ADK: variants seen among roughly 807,000 people sequenced by gnomAD.
The protein encoded by ADK is N6,N6-dimethyladenosine kinase.
In ADK, 24 loss-of-function variants were observed where a neutral mutation model predicts 44.7. The observed-to-expected ratio is 0.54, with a 90% CI of 0.39 to 0.76. The LOEUF (loss-of-function observed/expected upper bound fraction) is 0.76. ADK is among the 30% of genes least tolerant of loss of function. The probability of loss-of-function intolerance (pLI) is 0.00; values close to 1 mark genes in which losing one functional copy is unlikely to be tolerated. For synonymous variants in ADK, 128 were observed against 142.6 expected, an observed-to-expected ratio of 0.90 and a Z score of 0.73; for missense variants, 321 against 425.1, an observed-to-expected ratio of 0.76 and a Z score of 2.15.
At chr10:74,566,523 T>C (rs1850675490) in intron 7 of ADK, among the ~76,000 whole-genome samples, 1 of 152,188 alleles carries the variant, frequency 6.6e-6, no homozygotes, top group Non-Finnish European at 1.5e-5. Context: ...TTCTTTTCAT[T>C]CTAACCATAA....
intron 7 of ADK, among the ~76,000 whole-genome samples, chr10:74,564,562 T>C (rs1048708792): frequency 6.6e-6 from 1 of 152,194 alleles, no homozygotes; most frequent in Non-Finnish European, 1.5e-5. Context: ...TAAAATTCTT[T>C]GCATTTTCTC....
At chr10:74,596,764 C>G (rs1851939852) in intron 8 of ADK, among the ~76,000 whole-genome samples, 1 of 152,296 alleles carries the variant, frequency 6.6e-6, no homozygotes, top group East Asian at 1.9e-4. Context: ...CCAGGCTAGT[C>G]TCAAACTCCT....
At chr10:74,512,676 A>G (rs924530429) in intron 6 of ADK, among the ~76,000 whole-genome samples, 1 of 149,700 alleles carries the variant, frequency 6.7e-6, no homozygotes, top group African/African-American at 2.5e-5. Context: ...CTTTTTTCTT[A>G]TTCTAGCTAA....
At chr10:74,705,394 A>T (rs571552733) in intron 10 of ADK, among the ~76,000 whole-genome samples, 1 of 152,164 alleles carries the variant, frequency 6.6e-6, no homozygotes, top group South Asian at 2.1e-4. Flanking sequence ...TCACAGTTTT[A>T]TTGTGGCATA....
intron 9 of ADK, chr10:74,661,277 CT>C: frequency 2.8e-5 from 27 of 958,470 alleles, no homozygotes; most frequent in Non-Finnish European, 3.4e-5. Context: ...CCATCATCAC[CT>C]TTTTTTCAGG....
At chr10:74,704,547 A>G (rs1010231328) in intron 10 of ADK, among the ~76,000 whole-genome samples, 2 of 152,196 alleles carry the variant, frequency 1.3e-5, no homozygotes, top group Non-Finnish European at 2.9e-5. Context: ...GTTTTTAAAA[A>G]TAGATTATTG....
chr10:74,507,842 T>C (rs893107657), intron 6 of ADK, among the ~76,000 whole-genome samples: 7 of 152,186 alleles, frequency 4.6e-5, no homozygotes, highest in South Asian at 2.1e-4. Context: ...CCCTCATTTA[T>C]TTCATAATAT....
At chr10:74,348,278 ATAC>A (rs1841844148) in intron 4 of ADK, among the ~76,000 whole-genome samples, 1 of 152,166 alleles carries the variant, frequency 6.6e-6, no homozygotes, top group Non-Finnish European at 1.5e-5. Context: ...TCCATTGGTG[ATAC>A]TCAGGCAAAC....
chr10:74,212,720 G>A (rs1843864635), intron 2 of ADK, among the ~76,000 whole-genome samples: 1 of 152,198 alleles, frequency 6.6e-6, no homozygotes, highest in African/African-American at 2.4e-5. Context: ...CATATTTTAG[G>A]ATTATGTGAA....
chr10:74,542,474 G>A (rs2133733617), intron 7 of ADK, among the ~76,000 whole-genome samples: 1 of 152,148 alleles, frequency 6.6e-6, no homozygotes, highest in Admixed American at 6.5e-5. Context: ...CAAAACACAG[G>A]CTTTTAGTTA....
chr10:74,491,656 T>A (rs1254399759), intron 6 of ADK, among the ~76,000 whole-genome samples: 1 of 152,220 alleles, frequency 6.6e-6, no homozygotes, highest in African/African-American at 2.4e-5. Context: ...TTTTGTTATA[T>A]CTTCATAGCA....
intron 1 of ADK, among the ~76,000 whole-genome samples, chr10:74,167,759 A>G (rs921681630): frequency 7.9e-5 from 12 of 152,228 alleles, no homozygotes; most frequent in African/African-American, 2.9e-4. Flanking sequence ...AAGGGAACAT[A>G]GACTTCTTGT....
intron 9 of ADK, chr10:74,655,564 C>T (rs1854451879): frequency 2.1e-6 from 1 of 486,642 alleles, no homozygotes; most frequent in Non-Finnish European, 4.1e-6. Context: ...TGGCTGGCCC[C>T]AAGAAAGAGG....
intron 9 of ADK, among the ~76,000 whole-genome samples, chr10:74,666,212 C>T (rs1854952355): frequency 6.6e-6 from 1 of 152,142 alleles, no homozygotes; most frequent in Non-Finnish European, 1.5e-5. Context: ...GGTAGTGAAG[C>T]TTGTCTCATA....
chr10:74,430,403 G>A (rs1844941750), intron 6 of ADK, among the ~76,000 whole-genome samples: 1 of 152,036 alleles, frequency 6.6e-6, no homozygotes, highest in African/African-American at 2.4e-5. Flanking sequence ...GTTGTTTCCA[G>A]TTTGGAGCTA....
intron 1 of ADK, among the ~76,000 whole-genome samples, chr10:74,161,627 C>G (rs1028992691): frequency 6.6e-6 from 1 of 151,682 alleles, no homozygotes; most frequent in Non-Finnish European, 1.5e-5. Flanking sequence ...GTGATCTTCC[C>G]TCTCAGCCTC....
intron 6 of ADK, among the ~76,000 whole-genome samples, chr10:74,488,541 GATA>G (rs1847353667): frequency 6.6e-6 from 1 of 150,438 alleles, no homozygotes; most frequent in Admixed American, 6.7e-5. Flanking sequence ...TTTAAAGTAT[GATA>G]ATAACAAATT....
chr10:74,218,288 G>A (rs967277743), intron 2 of ADK, among the ~76,000 whole-genome samples: 2 of 152,048 alleles, frequency 1.3e-5, no homozygotes, highest in Admixed American at 6.6e-5. Context: ...GATGAAATGA[G>A]TGAAATGAAG....
chr10:74,303,588 G>GTTGTTTTTTTTTTTTTTTTTTTTTT (rs1840139803), intron 3 of ADK, among the ~76,000 whole-genome samples: 13 of 68,572 alleles, frequency 1.9e-4, no homozygotes, highest in African/African-American at 1.0e-3. Context: ...TTTTAATGTT[G>GTTGTTTTTTTTTTTTTTTTTTTTTT]TTTTTTTTTT....
Sources: allele counts gnomAD v4.1 joint callset (sites outside exome capture counted in the v4.1 genomes callset), GRCh38; gene constraint gnomAD v4.1.1; transcripts MANE v1.5; gene names NCBI Gene and HGNC (gene_info 2026-07-23, HGNC 2026-07-21).